ADGRE1: variants seen among roughly 807,000 people sequenced by gnomAD.
ADGRE1 encodes EGF-like module receptor 1.
Under a neutral mutation model 102.7 loss-of-function variants are expected in ADGRE1, and 82 were observed. The observed-to-expected ratio is 0.80, with a 90% CI of 0.67 to 0.96. The LOEUF is 0.96. Ranked by LOEUF, ADGRE1 falls within the 40% of genes least tolerant of loss-of-function variation. The pLI is 0.00. For synonymous variants in ADGRE1, 398 were observed against 399.6 expected (o/e 1.00, Z 0.05); for missense variants, 1,032 against 1,085.3 (o/e 0.95, Z 0.69).
In ADGRE1 at chr19:6,904,063, C is replaced by A. The variant is rs1387995115; in HGVS notation, c.830C>A (p.Ser277Ter). ...RDIDECRQDP[S>*]TCGPNSICTN... is the part of the protein sequence containing the mutation. ...ATTGATGAGTGCCGCCAAGATCCAT[C>A]AACCTGTGGTCCTAATTCTATCTGC... The change falls in exon 8 of 21, where the codon TCA becomes TAA. Residue 277 changes from serine to a stop codon, truncating the protein, a stop_gained. Coordinates refer to ENST00000312053, the MANE Select transcript of ADGRE1 (RefSeq NM_001974.5). LOFTEE classifies it high-confidence loss of function. 1 of 1,614,216 alleles carries A rather than the reference C, an allele frequency of 6.2e-7. No individual in the cohort carries two copies. Among genetic ancestry groups the A allele is most frequent in the South Asian group, 1.1e-5 (1 of 91,082 alleles).
At chr19:6,931,950 GT>G (rs34528259) in intron 17 of ADGRE1, among the ~76,000 whole-genome samples, 80,415 of 152,002 alleles carry the variant, frequency 0.53, 23,160 homozygotes, top group African/African-American at 0.76. Context: ...TCTTAAGCTC[GT>G]TAAGAAAATA....
chr19:6,934,588 T>C (rs1458070301), intron 17 of ADGRE1, among the ~76,000 whole-genome samples: 5 of 139,186 alleles, frequency 3.6e-5, no homozygotes, highest in African/African-American at 1.5e-4. Flanking sequence ...ACCTGCCTAA[T>C]TTAATTTTTG....
At chr19:6,891,322 C>T (rs1163889851) in intron 2 of ADGRE1, 1 of 152,282 alleles carries the variant, frequency 6.6e-6, no homozygotes, top group South Asian at 2.1e-4. Flanking sequence ...TATAAATTAC[C>T]TAGTCTCGGG....
At chr19:6,937,718 TG>T in intron 20 of ADGRE1, 70 bp downstream of exon 20, 4 of 1,428,782 alleles carry the variant, frequency 2.8e-6, no homozygotes, top group Non-Finnish European at 3.9e-6. Context: ...CACTCAGCTC[TG>T]CCACGTGTTG....
intron 10 of ADGRE1, among the ~76,000 whole-genome samples, chr19:6,910,793 G>A (rs1301558505): frequency 4.0e-5 from 6 of 151,704 alleles, no homozygotes; most frequent in African/African-American, 9.7e-5. Context: ...GGCTGGTCTC[G>A]AACTCCTGAC....
Position 6,921,717 on chromosome 19 carries a change from A to T in ADGRE1, c.1625A>T (p.Lys542Met). 4 of 1,593,802 alleles carry T rather than the reference A, an allele frequency of 2.5e-6. No homozygotes were observed. Among genetic ancestry groups the T allele is most frequent in the Non-Finnish European group, 3.4e-6 (4 of 1,172,546 alleles). ...TTGTTTTTTTGTTTTTTTTAGCCAA[A>T]GCAGAAGTTTGAGAGGCCCATCTGT... The part of the protein sequence containing the change: ...IIYTLENIQP[K>M]QKFERPICVS... The change falls in exon 14 of 21, where the codon AAG becomes ATG. Residue 542 changes from lysine (K) to methionine (M), a missense_variant. Lys to Met is a moderately conservative substitution (Grantham distance 95). Coordinates refer to ENST00000312053, the MANE Select transcript of ADGRE1 (RefSeq NM_001974.5).
intron 12 of ADGRE1, 70 bp from the exon 13 acceptor site, chr19:6,919,477 TG>T: frequency 2.3e-5 from 21 of 908,118 alleles, no homozygotes; most frequent in Non-Finnish European, 3.2e-5. Context: ...TGTGTGTGTG[TG>T]TGTTGGGTCT....
chr19:6,927,727 T>C (rs1360352968), intron 16 of ADGRE1, among the ~76,000 whole-genome samples: 3 of 152,036 alleles, frequency 2.0e-5, no homozygotes, highest in Non-Finnish European at 4.4e-5. Flanking sequence ...GGTGGCGTGA[T>C]CTCAGCTCAC....
chr19:6,916,164 G>T, intron 11 of ADGRE1, 85 bp from the exon 12 acceptor site: 1 of 1,476,286 alleles, frequency 6.8e-7, no homozygotes. Context: ...CGCCATGATG[G>T]AGGTGTACCT....
intron 13 of ADGRE1, among the ~76,000 whole-genome samples, chr19:6,920,516 C>CTTTTTTTTTTTTTTTTT: frequency 1.3e-5 from 1 of 75,748 alleles, no homozygotes; most frequent in South Asian, 6.4e-4. Context: ...ACCATGCCCG[C>CTTTTTTTTTTTTTTTTT]TTTTTTTTTT....
intron 2 of ADGRE1, chr19:6,896,164 C>A: frequency 4.5e-6 from 2 of 448,000 alleles, no homozygotes; most frequent in Non-Finnish European, 8.1e-6. Context: ...CACCTGTGGC[C>A]CACCCTACTC....
chr19:6,917,134 G>A (rs1974419219), intron 12 of ADGRE1, among the ~76,000 whole-genome samples: 1 of 150,798 alleles, frequency 6.6e-6, no homozygotes. Context: ...AATGTGCCTG[G>A]GCATGTTTCA....
intron 14 of ADGRE1, among the ~76,000 whole-genome samples, chr19:6,923,887 T>C (rs2144991314): frequency 6.7e-6 from 1 of 149,474 alleles, no homozygotes; most frequent in African/African-American, 2.5e-5. Flanking sequence ...AGAGAGGTGC[T>C]CATAAGATGG....
intron 20 of ADGRE1, among the ~76,000 whole-genome samples, chr19:6,938,888 T>A (rs1307192924): frequency 1.3e-5 from 2 of 151,512 alleles, no homozygotes; most frequent in Non-Finnish European, 2.9e-5. Flanking sequence ...CTCTGCCTCC[T>A]GGGTTCAAGC....
At chr19:6,929,648 G>A (rs965010049) in intron 17 of ADGRE1, among the ~76,000 whole-genome samples, 4 of 151,600 alleles carry the variant, frequency 2.6e-5, no homozygotes, top group African/African-American at 4.8e-5. Flanking sequence ...TCAGCCTCCC[G>A]AATAGCTGGG....
intron 8 of ADGRE1, among the ~76,000 whole-genome samples, chr19:6,904,995 G>T (rs974343995): frequency 6.6e-6 from 1 of 152,046 alleles, no homozygotes; most frequent in Non-Finnish European, 1.5e-5. Flanking sequence ...AGTGGCAGTA[G>T]ACATATCTGA....
rs548458293 is a variant in ADGRE1, at chr19:6,890,693, T to A, written c.94+150T>A. On this transcript the variant is annotated intron_variant, in intron 2 of 20. Transcript: ENST00000312053. Reference sequence around the variant, plus strand: ...GGTTAACATGCAAGTCTCCTGATTCTCACTTCAGGCTCTTTCCTTTGTGCT... The same window carrying A: ...GGTTAACATGCAAGTCTCCTGATTCACACTTCAGGCTCTTTCCTTTGTGCT... 6.6e-6 allele frequency: 5 copies of A among 752,642 alleles called. No homozygotes were observed. In the African/African-American group the frequency reaches 7.1e-5, roughly 11 times the overall value. The allele number at this position is 752,642 out of a possible 1,614,324, so 46.6% of individuals were successfully genotyped here.
At chr19:6,913,124 G>A (rs1974258781) in intron 10 of ADGRE1, among the ~76,000 whole-genome samples, 1 of 151,988 alleles carries the variant, frequency 6.6e-6, no homozygotes, top group Admixed American at 6.6e-5. Context: ...TGTACAGATG[G>A]GGTCTTGTTA....
intron 17 of ADGRE1, chr19:6,928,495 C>T (rs1430781056): frequency 2.4e-5 from 13 of 542,556 alleles, no homozygotes; most frequent in East Asian, 1.2e-4. Flanking sequence ...GGTGTGGTGG[C>T]GAGCACTTGT....
Sources: gnomAD v4.1 joint callset for allele counts (sites outside exome capture counted in the v4.1 genomes callset) on GRCh38, gnomAD v4.1.1 for gene constraint, MANE v1.5 for transcripts, NCBI Gene and HGNC (gene_info 2026-07-23, HGNC 2026-07-21) for gene names.